USP48: variants seen among roughly 807,000 people sequenced by gnomAD.
The protein encoded by USP48 is ubiquitin carboxyl-terminal hydrolase 48.
USP48 carries 43 observed loss-of-function variants against 150.7 expected under a neutral mutation model. The ratio of observed to expected loss-of-function variants is 0.29; its 90% CI spans 0.22 to 0.37. USP48 has a LOEUF of 0.37. USP48 is among the 10% of genes least tolerant of loss of function. The pLI, the probability that USP48 is intolerant of heterozygous loss-of-function variation, is 1.00. For synonymous variants in USP48, 396 were observed against 425.9 expected, an observed-to-expected ratio of 0.93 and a Z score of 0.86; for missense variants, 813 against 1,249.6, an observed-to-expected ratio of 0.65 and a Z score of 5.27.
At chr1:21,714,640 G>A (rs573791971) in intron 15 of USP48, among the ~76,000 whole-genome samples, 8 of 152,170 alleles carry the variant, frequency 5.3e-5, no homozygotes, top group South Asian at 4.2e-4. Context: ...TGACTTTCAC[G>A]GTGCTATTAG....
chr1:21,684,777 C>T (rs557011481), intron 25 of USP48, among the ~76,000 whole-genome samples: 1 of 152,176 alleles, frequency 6.6e-6, no homozygotes, highest in South Asian at 2.1e-4. Context: ...TCCAGTTTTC[C>T]CAGCAAAATC....
intron 1 of USP48, among the ~76,000 whole-genome samples, chr1:21,761,487 C>G (rs981060848): frequency 3.3e-5 from 5 of 152,000 alleles, no homozygotes; most frequent in African/African-American, 1.2e-4. Context: ...CCAGGCTGAC[C>G]CCATCACTTT....
chr1:21,737,104 T>C (rs1300727046), intron 8 of USP48, among the ~76,000 whole-genome samples: 1 of 152,070 alleles, frequency 6.6e-6, no homozygotes, highest in Non-Finnish European at 1.5e-5. Context: ...GTCATGAAAA[T>C]TTGCTCTCAA....
intron 11 of USP48, chr1:21,725,006 T>A (rs1326273386): frequency 3.9e-5 from 6 of 152,230 alleles, no homozygotes; most frequent in Non-Finnish European, 7.3e-5. Context: ...TGATGAGATC[T>A]GAGGGACAGA....
At chr1:21,709,727 G>A (rs2097685357) in intron 15 of USP48, among the ~76,000 whole-genome samples, 1 of 152,192 alleles carries the variant, frequency 6.6e-6, no homozygotes, top group African/African-American at 2.4e-5. Context: ...GCTTCATTCT[G>A]ATGTGGGGGT....
At chr1:21,772,268 AGGAAAAAAAG>A (rs2097883051) in intron 1 of USP48, among the ~76,000 whole-genome samples, 4 of 152,182 alleles carry the variant, frequency 2.6e-5, no homozygotes, top group Admixed American at 2.6e-4. Context: ...ACGTACCAAA[AGGAAAAAAAG>A]CCCACAAAGC....
chr1:21,740,095 G>A (rs1046958773), intron 8 of USP48, among the ~76,000 whole-genome samples: 1 of 152,186 alleles, frequency 6.6e-6, no homozygotes, highest in Non-Finnish European at 1.5e-5. Flanking sequence ...ATTTTTAGTA[G>A]AGACGGCGTT....
At chr1:21,741,556 ACT>A (rs765040236) in intron 8 of USP48, among the ~76,000 whole-genome samples, 1 of 152,188 alleles carries the variant, frequency 6.6e-6, no homozygotes, top group Non-Finnish European at 1.5e-5. Flanking sequence ...ATAGTTTAAA[ACT>A]CTTCCAGATG....
rs1266783443 is a variant in USP48, at chr1:21,701,608, T to C, written c.2623-6A>G. 7 of 1,613,280 alleles carry C rather than the reference T, an allele frequency of 4.3e-6. No homozygotes were observed. Among genetic ancestry groups the C allele is most frequent in the South Asian group, 2.2e-5 (2 of 91,064 alleles). On this transcript the variant is annotated splice_region_variant and splice_polypyrimidine_tract_variant and intron_variant, in intron 21 of 26. Transcript: ENST00000308271. ...GGAGCCGAATCCTTCATCACCTGAA[T>C]GTGCCAGGACAACAAAGAGAAGTAG...
At chr1:21,701,088 C>T (rs934639674) in intron 22 of USP48, among the ~76,000 whole-genome samples, 3 of 144,720 alleles carry the variant, frequency 2.1e-5, no homozygotes, top group East Asian at 2.0e-4. Context: ...AAAAAAAGGC[C>T]GGGTGCGGTG....
chr1:21,713,612 C>T (rs992016970), intron 15 of USP48, among the ~76,000 whole-genome samples: 1 of 152,198 alleles, frequency 6.6e-6, no homozygotes, highest in South Asian at 2.1e-4. Context: ...CCAAGCATGA[C>T]ACAGTATTTT....
At position 21,783,081 on chromosome 1, in the gene USP48, G is replaced by A; in HGVS notation, c.-124C>T. ...GGACCTGGCGCTCCTTCAGGCAGCT[G>A]GCCAGTCAATCACCTGTGCGCGCCA... On this transcript the variant is annotated 5_prime_UTR_variant, in exon 1 of 27. Coordinates refer to ENST00000308271, the MANE Select transcript of USP48 (RefSeq NM_032236.8). 5 of 1,347,108 alleles carry A rather than the reference G, an allele frequency of 3.7e-6. No individual in the cohort carries two copies. Among genetic ancestry groups the A allele is most frequent in the Non-Finnish European group, 4.8e-6 (5 of 1,044,016 alleles). 83.4% of individuals were successfully genotyped at this position (1,347,108 alleles called of 1,614,324 possible).
At chr1:21,739,589 T>C (rs553161725) in intron 8 of USP48, among the ~76,000 whole-genome samples, 26 of 151,908 alleles carry the variant, frequency 1.7e-4, no homozygotes, top group Admixed American at 1.7e-3. Flanking sequence ...ATATGATGTT[T>C]GATATGTTTA....
intron 7 of USP48, 49 bp downstream of exon 7, chr1:21,748,089 C>T: frequency 6.3e-7 from 1 of 1,582,248 alleles, no homozygotes; most frequent in Non-Finnish European, 8.6e-7. Flanking sequence ...AAAGTCTGTA[C>T]ATAGTAGACC....
chr1:21,736,966 C>T (rs1023336444), intron 8 of USP48, among the ~76,000 whole-genome samples: 10 of 152,136 alleles, frequency 6.6e-5, no homozygotes, highest in South Asian at 2.1e-4. Context: ...TCCCAAGAAT[C>T]GGCTGTTCAT....
chr1:21,768,019 A>G (rs943654069), intron 1 of USP48, among the ~76,000 whole-genome samples: 1 of 152,076 alleles, frequency 6.6e-6, no homozygotes, highest in Non-Finnish European at 1.5e-5. Flanking sequence ...CATCCTGGCT[A>G]ACATGGTGAA....
At position 21,783,116 on chromosome 1, in the gene USP48, C is replaced by A; in HGVS notation, c.-159G>T. 9.2e-7 allele frequency: 1 copy of A among 1,085,652 alleles called. No homozygotes were observed. Among genetic ancestry groups the A allele is most frequent in the African/African-American group, 1.7e-5 (1 of 60,060 alleles). The allele number at this position is 1,085,652 out of a possible 1,614,324, so 67.3% of individuals were successfully genotyped here. The stretch of plus-strand genomic sequence containing the variant: ...TCACCTGTGCGCGCCACTGCCGCCG[C>A]GCCCGCCCGCGCCCGACCCGCACGA... On this transcript the variant is annotated 5_prime_UTR_variant, in exon 1 of 27. Transcript: ENST00000308271.
chr1:21,721,084 C>T lies in USP48; in HGVS notation c.1846G>A (p.Asp616Asn), dbSNP rs757332967. ...ATCTTTCCGTTGCTTTGTTCTGCAT[C>T]ACCATCTTGCTCATCCAGCTGTTCA... ...ALEQLDEQDGDAEQSNGKMNG... is the reference protein window; with the variant it reads ...ALEQLDEQDGNAEQSNGKMNG... Residue 616 changes from aspartate (D) to asparagine (N), a missense_variant, in exon 14 of 27, where the codon GAT becomes AAT. Physicochemically the swap from Asp to Asn is conservative, Grantham distance 23. Coordinates refer to ENST00000308271, the MANE Select transcript of USP48 (RefSeq NM_032236.8). 9.9e-6 allele frequency: 16 copies of T among 1,614,126 alleles called. No homozygotes were observed. The highest frequency in any genetic ancestry group is 1.3e-5 in the African/African-American group (1 of 74,940).
At chr1:21,693,793 C>A (rs144709131) in intron 23 of USP48, among the ~76,000 whole-genome samples, 1 of 152,320 alleles carries the variant, frequency 6.6e-6, no homozygotes, top group East Asian at 1.9e-4. Flanking sequence ...ATTATGCCAA[C>A]ACACTTATTT....
Sources: allele counts gnomAD v4.1 joint callset (sites outside exome capture counted in the v4.1 genomes callset), GRCh38; gene constraint gnomAD v4.1.1; transcripts MANE v1.5; gene names NCBI Gene and HGNC (gene_info 2026-07-23, HGNC 2026-07-21).